The following ZDHHC20 variants were observed in gnomAD, a reference collection of about 807,000 sequenced individuals.
ZDHHC20 encodes the protein palmitoyltransferase ZDHHC20.
Under a neutral mutation model 57.8 loss-of-function variants are expected in ZDHHC20, and 43 were observed. That is an observed-to-expected ratio of 0.74 (90% CI 0.58 to 0.96). The LOEUF is 0.96. Ranked by LOEUF, ZDHHC20 falls within the 40% of genes least tolerant of loss-of-function variation. The pLI is 0.00. For synonymous variants in ZDHHC20, 157 were observed against 153.0 expected (o/e 1.03, Z -0.19); for missense variants, 391 against 441.1 (o/e 0.89, Z 1.02).
intron 1 of ZDHHC20, among the ~76,000 whole-genome samples, chr13:21,443,286 T>C (rs1171801752): frequency 6.6e-6 from 1 of 152,228 alleles, no homozygotes; most frequent in African/African-American, 2.4e-5. Context: ...CCCTTTTCTT[T>C]TGCATTCTCA....
chr13:21,447,835 A>C (rs1883923535), intron 1 of ZDHHC20, among the ~76,000 whole-genome samples: 1 of 103,462 alleles, frequency 9.7e-6, no homozygotes, highest in Non-Finnish European at 2.3e-5. Context: ...CTAGGAAGTG[A>C]GGAGCGCCTC....
chr13:21,450,281 C>CG (rs1316106663), intron 1 of ZDHHC20, among the ~76,000 whole-genome samples: 1 of 151,878 alleles, frequency 6.6e-6, no homozygotes, highest in African/African-American at 2.4e-5. Context: ...GGAAAGGGAG[C>CG]GGGCAGAGAA....
At position 21,375,258 on chromosome 13, in the gene ZDHHC20, C is replaced by T. The variant is rs1593154548; in HGVS notation, c.*1438G>A. 1 of 439,988 alleles carries T rather than the reference C, an allele frequency of 2.3e-6. No individual in the cohort carries two copies. Among genetic ancestry groups the T allele is most frequent in the Middle Eastern group, 4.6e-4 (1 of 2,192 alleles). The allele number at this position is 439,988 out of a possible 1,614,324, so 27.3% of individuals were successfully genotyped here. ...CCCCCTCCCCTGCAGTCCCATTTTA[C>T]AGACAGGAAGCTCCAACCTGTAGTA... On this transcript the variant is annotated 3_prime_UTR_variant, in exon 13 of 13. Coordinates refer to ENST00000400590, the MANE Select transcript of ZDHHC20 (RefSeq NM_001330059.2).
intron 6 of ZDHHC20, 62 bp from the exon 7 acceptor site, chr13:21,400,555 A>C: frequency 1.3e-6 from 2 of 1,498,218 alleles, no homozygotes; most frequent in Non-Finnish European, 1.8e-6. Context: ...ACAGAAATAG[A>C]AAGTAGGATG....
At position 21,376,170 on chromosome 13, in the gene ZDHHC20, T is replaced by C. The variant is rs1337684504; in HGVS notation, c.*526A>G. 6.6e-6 allele frequency: 1 copy of C among 152,240 alleles called. No homozygotes were observed. The highest frequency in any genetic ancestry group is 2.4e-5 in the African/African-American group (1 of 41,456). The allele number at this position is 152,240 out of a possible 1,614,324, so 9.4% of individuals were successfully genotyped here. On this transcript the variant is annotated 3_prime_UTR_variant, in exon 13 of 13. Coordinates refer to ENST00000400590, the MANE Select transcript of ZDHHC20 (RefSeq NM_001330059.2). The stretch of plus-strand genomic sequence containing the variant: ...GTTGAAAAGTATAAAATAGTAATTA[T>C]AAATTAGCAAATACCCAATTTAAAA...
chr13:21,400,318 A>T, intron 7 of ZDHHC20, 55 bp downstream of exon 7: 1 of 1,461,650 alleles, frequency 6.8e-7, no homozygotes, highest in Non-Finnish European at 9.2e-7. Context: ...ATTTATTAGG[A>T]AGATAGCATC....
At chr13:21,388,339 T>C (rs1331641281) in intron 8 of ZDHHC20, among the ~76,000 whole-genome samples, 4 of 152,056 alleles carry the variant, frequency 2.6e-5, no homozygotes, top group Non-Finnish European at 4.4e-5. Context: ...ACCCAGGGCA[T>C]TGGGAGGGAT....
chr13:21,417,191 A>G (rs1880085564), intron 3 of ZDHHC20, among the ~76,000 whole-genome samples: 1 of 150,898 alleles, frequency 6.6e-6, no homozygotes. Flanking sequence ...TATACTATCT[A>G]AAGTAGCTCT....
chr13:21,400,151 C>G (rs1877412232), intron 7 of ZDHHC20, among the ~76,000 whole-genome samples: 1 of 151,910 alleles, frequency 6.6e-6, no homozygotes, highest in Admixed American at 6.6e-5. Flanking sequence ...ATTTGGATCA[C>G]TAAAAGAGGC....
At chr13:21,422,640 G>A (rs1158358959) in intron 2 of ZDHHC20, among the ~76,000 whole-genome samples, 4 of 151,686 alleles carry the variant, frequency 2.6e-5, no homozygotes, top group East Asian at 1.9e-4. Context: ...TATTATTTTC[G>A]TTATTTTTCA....
rs549929882 is a variant in ZDHHC20 at position 21,406,646 on chromosome 13, G to C, written c.371-3780C>G. On this transcript the variant is annotated intron_variant, in intron 4 of 12. Coordinates refer to ENST00000400590, the MANE Select transcript of ZDHHC20 (RefSeq NM_001330059.2). ...GAGAACATGCAGTGTTTGGTTTTCT[G>C]CTCCTGTGTTAGTTTGCTGAAAATG... Among the ~76,000 whole-genome samples, 4 of 150,852 alleles carry C rather than the reference G, an allele frequency of 2.7e-5. No individual in the cohort carries two copies. The East Asian group carries it at 7.9e-4, about 30-fold the overall frequency.
chr13:21,421,938 C>T (rs892357436), intron 2 of ZDHHC20, among the ~76,000 whole-genome samples: 3 of 152,044 alleles, frequency 2.0e-5, no homozygotes, highest in African/African-American at 7.2e-5. Flanking sequence ...AAATGCTACT[C>T]CTTCCACAAA....
chr13:21,382,517 A>G (rs1011922873), intron 10 of ZDHHC20, among the ~76,000 whole-genome samples: 10 of 152,240 alleles, frequency 6.6e-5, no homozygotes, highest in Admixed American at 4.6e-4. Flanking sequence ...TTATTTTGAT[A>G]GTATATTAAA....
chr13:21,382,153 C>G (rs577487406), intron 10 of ZDHHC20, among the ~76,000 whole-genome samples: 1 of 152,124 alleles, frequency 6.6e-6, no homozygotes, highest in African/African-American at 2.4e-5. Flanking sequence ...TATCATTATC[C>G]TAATTTTATA....
intron 1 of ZDHHC20, among the ~76,000 whole-genome samples, chr13:21,445,800 G>C (rs73441522): frequency 0.018 from 2,712 of 152,262 alleles, 75 homozygotes; most frequent in African/African-American, 0.062. Flanking sequence ...TGTATGTCAA[G>C]TAATAATAGG....
intron 2 of ZDHHC20, among the ~76,000 whole-genome samples, chr13:21,423,286 T>C (rs556823729): frequency 8.5e-5 from 13 of 152,326 alleles, no homozygotes; most frequent in African/African-American, 3.1e-4. Context: ...TAACATTGAT[T>C]GTCATACACA....
intron 7 of ZDHHC20, among the ~76,000 whole-genome samples, chr13:21,398,236 G>A (rs570687066): frequency 4.9e-4 from 75 of 152,132 alleles, no homozygotes; most frequent in Middle Eastern, 3.4e-3. Flanking sequence ...AGGTCGAGGC[G>A]GGCAGATCAC....
chr13:21,385,187 G>GGGAGGATGAGGT (rs1418139525), intron 9 of ZDHHC20, among the ~76,000 whole-genome samples: 1 of 152,146 alleles, frequency 6.6e-6, no homozygotes, highest in Admixed American at 6.5e-5. Context: ...GCAGCACTTT[G>GGGAGGATGAGGT]GGAGGATGAG....
intron 4 of ZDHHC20, among the ~76,000 whole-genome samples, chr13:21,404,671 G>A (rs953730309): frequency 2.6e-5 from 4 of 151,680 alleles, no homozygotes; most frequent in Non-Finnish European, 5.9e-5. Context: ...GGAGAATGGC[G>A]TGAACGCAGG....
Sources: allele counts gnomAD v4.1 joint callset (sites outside exome capture counted in the v4.1 genomes callset), GRCh38; gene constraint gnomAD v4.1.1; transcripts MANE v1.5; gene names NCBI Gene and HGNC (gene_info 2026-07-23, HGNC 2026-07-21).